Variants in RIMS1 observed in about 807,000 individuals in gnomAD.
The protein encoded by RIMS1 is regulating synaptic membrane exocytosis 1, also known as regulating synaptic membrane exocytosis protein 1.
In RIMS1, 83 loss-of-function variants were observed where a neutral mutation model predicts 214.1. The observed-to-expected ratio is 0.39, with a 90% CI of 0.32 to 0.47. The LOEUF (loss-of-function observed/expected upper bound fraction) is 0.47. Ranked by LOEUF, RIMS1 falls within the 20% of genes least tolerant of loss-of-function variation. The pLI, the probability that RIMS1 is intolerant of heterozygous loss-of-function variation, is 0.99. For synonymous variants in RIMS1, 793 were observed against 786.8 expected (o/e 1.01, Z -0.13); for missense variants, 2,050 against 2,161.8 (o/e 0.95, Z 1.03).
chr6:72,114,878 G>C (rs1296380127), intron 4 of RIMS1, among the ~76,000 whole-genome samples: 3 of 151,810 alleles, frequency 2.0e-5, no homozygotes, highest in Non-Finnish European at 4.4e-5. Context: ...ACTCTATTCA[G>C]ATTTTATGGT....
At chr6:72,328,211 A>G (rs1354627760) in intron 28 of RIMS1, among the ~76,000 whole-genome samples, 1 of 151,878 alleles carries the variant, frequency 6.6e-6, no homozygotes, top group Non-Finnish European at 1.5e-5. Flanking sequence ...GGAACAGAAA[A>G]TCAAACACCA....
chr6:71,984,404 G>A (rs79697943), intron 2 of RIMS1, among the ~76,000 whole-genome samples: 5,809 of 151,944 alleles, frequency 0.038, 247 homozygotes, highest in East Asian at 0.16. Context: ...ATAGGGCTGT[G>A]TCTCTACCTT....
intron 2 of RIMS1, among the ~76,000 whole-genome samples, chr6:72,072,247 T>G (rs1830740450): frequency 6.6e-6 from 1 of 152,230 alleles, no homozygotes; most frequent in Non-Finnish European, 1.5e-5. Context: ...TTAATATTCA[T>G]TGAGCATTCA....
At chr6:72,128,980 C>A (rs1324082706) in intron 4 of RIMS1, among the ~76,000 whole-genome samples, 1 of 152,200 alleles carries the variant, frequency 6.6e-6, no homozygotes, top group Non-Finnish European at 1.5e-5. Context: ...TAAATCAACT[C>A]AGAATCTGTA....
intron 6 of RIMS1, among the ~76,000 whole-genome samples, chr6:72,197,941 C>G (rs1387554528): frequency 6.6e-6 from 1 of 151,964 alleles, no homozygotes; most frequent in East Asian, 1.9e-4. Flanking sequence ...AAAAAATAAA[C>G]CAGGTCATAT....
chr6:72,246,405 T>C (rs2069735600), intron 11 of RIMS1, among the ~76,000 whole-genome samples: 1 of 152,168 alleles, frequency 6.6e-6, no homozygotes, highest in Non-Finnish European at 1.5e-5. Flanking sequence ...GTCGTTTCTG[T>C]ATGACAGAAG....
At chr6:71,943,983 C>A (rs2151044455) in intron 1 of RIMS1, among the ~76,000 whole-genome samples, 1 of 152,230 alleles carries the variant, frequency 6.6e-6, no homozygotes, top group Admixed American at 6.5e-5. Flanking sequence ...TATAGGAAAT[C>A]AAATTCCTTT....
intron 28 of RIMS1, among the ~76,000 whole-genome samples, chr6:72,330,101 G>T (rs2154336531): frequency 6.6e-6 from 1 of 151,898 alleles, no homozygotes; most frequent in East Asian, 1.9e-4. Context: ...GAGGATCAAG[G>T]TCCTGCCAGT....
intron 1 of RIMS1, among the ~76,000 whole-genome samples, chr6:71,949,782 A>G (rs962298568): frequency 3.9e-5 from 6 of 152,210 alleles, no homozygotes; most frequent in African/African-American, 1.2e-4. Flanking sequence ...AAAATGTTAT[A>G]GCCATTTTGG....
chr6:71,988,422 G>T (rs575625122), intron 2 of RIMS1, among the ~76,000 whole-genome samples: 1 of 151,522 alleles, frequency 6.6e-6, no homozygotes, highest in East Asian at 1.9e-4. Flanking sequence ...TTCAAAATCC[G>T]AAATTCTTTA....
chr6:72,130,615 G>A (rs1290812125), intron 4 of RIMS1, among the ~76,000 whole-genome samples: 1 of 152,070 alleles, frequency 6.6e-6, no homozygotes, highest in Non-Finnish European at 1.5e-5. Flanking sequence ...GAAATTTTTA[G>A]TTTAGTCCTT....
chr6:72,004,497 G>C (rs1355853446), intron 2 of RIMS1, among the ~76,000 whole-genome samples: 1 of 151,460 alleles, frequency 6.6e-6, no homozygotes, highest in Non-Finnish European at 1.5e-5. Flanking sequence ...CAGTGTAAAA[G>C]TGTTCCTATT....
chr6:72,079,570 G>A (rs572149369), intron 2 of RIMS1, among the ~76,000 whole-genome samples: 3 of 152,244 alleles, frequency 2.0e-5, no homozygotes, highest in Admixed American at 1.3e-4. Context: ...TTGATGCTGA[G>A]AAAACATGCA....
chr6:72,163,169 G>C (rs1376200053), intron 4 of RIMS1, among the ~76,000 whole-genome samples: 1 of 139,220 alleles, frequency 7.2e-6, no homozygotes, highest in African/African-American at 2.5e-5. Flanking sequence ...TCTTCCAGTT[G>C]ATCGAATCGG....
rs546990907 is a variant in RIMS1, at chr6:72,223,132, C to T, written c.1679-10641C>T. Among the ~76,000 whole-genome samples, 6 of 152,244 alleles carry T rather than the reference C, an allele frequency of 3.9e-5. No homozygotes were observed. The East Asian group carries it at 5.8e-4, about 15-fold the overall frequency. On this transcript the variant is annotated intron_variant, in intron 6 of 33. Coordinates refer to ENST00000521978, the MANE Select transcript of RIMS1 (RefSeq NM_014989.7). ...ATTATTGTGGCTATAAAGTTATGAGCGAGGTGCTGGTGTGTTTTTCTAGGA... is the reference window on the plus strand; with the variant it reads ...ATTATTGTGGCTATAAAGTTATGAGTGAGGTGCTGGTGTGTTTTTCTAGGA...
chr6:72,068,351 ACT>A, intron 2 of RIMS1, among the ~76,000 whole-genome samples: 1 of 125,960 alleles, frequency 7.9e-6, no homozygotes, highest in South Asian at 2.7e-4. Context: ...ATTTGAAACC[ACT>A]TTTTTGTCCA....
intron 28 of RIMS1, among the ~76,000 whole-genome samples, chr6:72,316,203 G>T (rs2095786619): frequency 1.3e-5 from 2 of 152,066 alleles, no homozygotes; most frequent in Admixed American, 6.5e-5. Flanking sequence ...CTCCTTCCCA[G>T]ACAGATGAGA....
chr6:72,358,285 C>A (rs1050403555), intron 29 of RIMS1, among the ~76,000 whole-genome samples: 1 of 152,018 alleles, frequency 6.6e-6, no homozygotes, highest in African/African-American at 2.4e-5. Context: ...ATAGAGAAAT[C>A]TTTACAATTC....
At chr6:72,097,990 A>G (rs2032343823) in intron 3 of RIMS1, among the ~76,000 whole-genome samples, 2 of 152,162 alleles carry the variant, frequency 1.3e-5, no homozygotes, top group Admixed American at 1.3e-4. Context: ...GATTTCCTTG[A>G]TAGAGATCTG....
Sources: allele counts gnomAD v4.1 joint callset (sites outside exome capture counted in the v4.1 genomes callset), GRCh38; gene constraint gnomAD v4.1.1; transcripts MANE v1.5; gene names NCBI Gene and HGNC (gene_info 2026-07-23, HGNC 2026-07-21).